TNIK: variants seen among roughly 807,000 people sequenced by gnomAD.
TNIK encodes TRAF2 and NCK-interacting protein kinase.
In TNIK, 49 loss-of-function variants were observed where a neutral mutation model predicts 191.3. That is an observed-to-expected ratio of 0.26 (90% confidence interval 0.20 to 0.32). The LOEUF (loss-of-function observed/expected upper bound fraction) is 0.32. TNIK is among the 10% of genes least tolerant of loss of function. The pLI is 1.00. For synonymous variants in TNIK, 594 were observed against 600.9 expected (o/e 0.99, Z 0.17); for missense variants, 1,155 against 1,702.3 (o/e 0.68, Z 5.66).
chr3:171,124,812 T>C (rs146682211), intron 17 of TNIK, among the ~76,000 whole-genome samples: 1 of 152,200 alleles, frequency 6.6e-6, no homozygotes. Flanking sequence ...TCTCCCAGGT[T>C]CATGCATGTA....
At chr3:171,186,850 C>A (rs1174508454) in intron 7 of TNIK, among the ~76,000 whole-genome samples, 1 of 152,146 alleles carries the variant, frequency 6.6e-6, no homozygotes, top group African/African-American at 2.4e-5. Context: ...GGTCTCACAC[C>A]ATTTACAGTG....
intron 30 of TNIK, among the ~76,000 whole-genome samples, chr3:171,067,002 A>G (rs952813700): frequency 6.6e-6 from 1 of 152,196 alleles, no homozygotes; most frequent in African/African-American, 2.4e-5. Context: ...GGCCCTTTAC[A>G]TATATAATTT....
intron 2 of TNIK, among the ~76,000 whole-genome samples, chr3:171,334,889 T>TA (rs200763053): frequency 7.0e-6 from 1 of 143,858 alleles, no homozygotes. Context: ...TTTTTTTTTT[T>TA]ACCATAAACT....
intron 7 of TNIK, among the ~76,000 whole-genome samples, chr3:171,186,236 T>C (rs1737354518): frequency 6.6e-6 from 1 of 152,216 alleles, no homozygotes; most frequent in African/African-American, 2.4e-5. Flanking sequence ...AAGGGGATGA[T>C]ATATGGTGCC....
intron 2 of TNIK, among the ~76,000 whole-genome samples, chr3:171,331,551 ATAAC>A (rs1307600450): frequency 6.6e-6 from 1 of 152,234 alleles, no homozygotes; most frequent in Non-Finnish European, 1.5e-5. Flanking sequence ...CTGAGAAGGA[ATAAC>A]TAAATATATA....
intron 2 of TNIK, among the ~76,000 whole-genome samples, chr3:171,360,781 G>A (rs938248441): frequency 6.6e-6 from 1 of 152,182 alleles, no homozygotes; most frequent in Non-Finnish European, 1.5e-5. Context: ...CCACTCAAGA[G>A]TCACCTTTAT....
chr3:171,098,517 T>C (rs1222404476), intron 22 of TNIK, among the ~76,000 whole-genome samples: 4 of 152,176 alleles, frequency 2.6e-5, no homozygotes, highest in Admixed American at 2.0e-4. Flanking sequence ...TCATAAGTTA[T>C]ATCTTGTAAA....
rs767850346 is a variant in TNIK, at chr3:171,268,562, C to T, written c.124-40341G>A. 1.6e-3 allele frequency among the ~76,000 whole-genome samples: 243 copies of T among 152,028 alleles called. 2 individuals are homozygous for T. Among genetic ancestry groups the T allele is most frequent in the Non-Finnish European group, 2.8e-3 (191 of 68,004 alleles). On this transcript the variant is annotated intron_variant, in intron 2 of 32. Coordinates refer to ENST00000436636, the MANE Select transcript of TNIK (RefSeq NM_015028.4). ...AGGTCCTGAGTAAAATCTCTTTGTA[C>T]TGCTTTAACTGATGTCCAGCTCTGG...
At chr3:171,084,433 A>C in intron 25 of TNIK, 108 bp from the exon 26 acceptor site, 1 of 1,315,148 alleles carries the variant, frequency 7.6e-7, no homozygotes, top group Non-Finnish European at 1.0e-6. Context: ...ATTATAGTAA[A>C]GGCAAGGAAA....
In TNIK at chr3:171,337,290, C is replaced by T. The variant is rs377181375; in HGVS notation, c.123+32330G>A. On this transcript the variant is annotated intron_variant, in intron 2 of 32. Coordinates refer to ENST00000436636, the MANE Select transcript of TNIK (RefSeq NM_015028.4). The stretch of plus-strand genomic sequence containing the variant: ...TGGAAGGAGAGAAGGTAAGAGCCTC[C>T]AAGTGAGAATGGAGTGATAGTCTGT... Among the ~76,000 whole-genome samples the T allele has an allele frequency of 7.8e-4, 119 of 152,260 alleles. 3 individuals carry two copies. In the South Asian group the frequency reaches 0.023, roughly 29 times the overall value.
intron 7 of TNIK, among the ~76,000 whole-genome samples, chr3:171,183,648 T>A (rs1174851764): frequency 6.6e-6 from 1 of 151,856 alleles, no homozygotes; most frequent in African/African-American, 2.4e-5. Flanking sequence ...CCCCACCGGG[T>A]CCAGTGGCTC....
intron 18 of TNIK, 50 bp from the exon 19 acceptor site, chr3:171,110,927 T>C (rs1023047544): frequency 1.3e-6 from 2 of 1,493,120 alleles, no homozygotes; most frequent in African/African-American, 2.8e-5. Flanking sequence ...CCTTGCCAGT[T>C]TTGCAGATCA....
chr3:171,412,214 A>AT (rs1722515680), intron 1 of TNIK, among the ~76,000 whole-genome samples: 1 of 152,196 alleles, frequency 6.6e-6, no homozygotes, highest in Non-Finnish European at 1.5e-5. Context: ...CTTAACCAAC[A>AT]TTAGGCAGAC....
At chr3:171,325,103 T>A (rs9837531) in intron 2 of TNIK, among the ~76,000 whole-genome samples, 49,104 of 151,316 alleles carry the variant, frequency 0.32, 8,445 homozygotes, top group African/African-American at 0.45. Context: ...TGTCTCAAAA[T>A]AAATAAATAA....
At chr3:171,234,968 T>A (rs554512300) in intron 2 of TNIK, among the ~76,000 whole-genome samples, 10 of 152,240 alleles carry the variant, frequency 6.6e-5, no homozygotes, top group Non-Finnish European at 1.3e-4. Flanking sequence ...CTGGCTCTCA[T>A]CTAATTTATA....
At chr3:171,145,901 T>C (rs1023721979) in intron 12 of TNIK, among the ~76,000 whole-genome samples, 1 of 151,758 alleles carries the variant, frequency 6.6e-6, no homozygotes, top group African/African-American at 2.4e-5. Flanking sequence ...TGCAATGCCA[T>C]AAAATTGCAT....
At chr3:171,078,365 C>T (rs370921281) in intron 28 of TNIK, among the ~76,000 whole-genome samples, 1 of 152,018 alleles carries the variant, frequency 6.6e-6, no homozygotes, top group South Asian at 2.1e-4. Context: ...TTGTTCTACT[C>T]TTTAGGAGAA....
intron 7 of TNIK, among the ~76,000 whole-genome samples, chr3:171,182,929 CAT>C (rs1176508136): frequency 1.3e-5 from 2 of 152,330 alleles, no homozygotes; most frequent in Admixed American, 1.3e-4. Context: ...GAAAAGAACA[CAT>C]GTCTTGCAGG....
At chr3:171,341,715 C>T (rs996244572) in intron 2 of TNIK, among the ~76,000 whole-genome samples, 2 of 152,082 alleles carry the variant, frequency 1.3e-5, no homozygotes, top group African/African-American at 2.4e-5. Context: ...CACTGGTCTA[C>T]GCAGTGGTAG....
Sources: gnomAD v4.1 joint callset for allele counts (sites outside exome capture counted in the v4.1 genomes callset) on GRCh38, gnomAD v4.1.1 for gene constraint, MANE v1.5 for transcripts, NCBI Gene and HGNC (gene_info 2026-07-23, HGNC 2026-07-21) for gene names.